The following PBX1 variants were observed in gnomAD, a reference collection of about 807,000 sequenced individuals.
PBX1 encodes the protein PBX homeobox 1.
PBX1 carries 6 observed loss-of-function variants against 53.4 expected under a neutral mutation model. The observed-to-expected ratio is 0.11, with a 90% CI of 0.06 to 0.22. The LOEUF is 0.22. Among genes scored for constraint, PBX1 ranks in the 10% least tolerant of loss-of-function variants. The probability of loss-of-function intolerance (pLI) is 1.00; values close to 1 mark genes in which losing one functional copy is unlikely to be tolerated. For missense variants in PBX1, 251 were observed against 551.4 expected (o/e 0.46, Z 5.46); for synonymous variants, 204 against 212.3 (o/e 0.96, Z 0.34).
intron 2 of PBX1, among the ~76,000 whole-genome samples, chr1:164,656,665 A>C (rs1660184583): frequency 6.6e-6 from 1 of 152,114 alleles, no homozygotes; most frequent in Non-Finnish European, 1.5e-5. Flanking sequence ...GCTATAGAGG[A>C]AAGTGACGGA....
chr1:164,641,717 A>C (rs1044125933), intron 2 of PBX1: 2 of 152,236 alleles, frequency 1.3e-5, no homozygotes, highest in African/African-American at 4.8e-5. Flanking sequence ...TAAGAATTCC[A>C]GATTTTATTC....
chr1:164,778,855 G>A (rs1667796659), intron 2 of PBX1, among the ~76,000 whole-genome samples: 1 of 152,060 alleles, frequency 6.6e-6, no homozygotes, highest in Non-Finnish European at 1.5e-5. Flanking sequence ...GCCTTTGCTT[G>A]CTATCAACCT....
chr1:164,775,344 T>C (rs1259337531), intron 2 of PBX1, among the ~76,000 whole-genome samples: 1 of 152,200 alleles, frequency 6.6e-6, no homozygotes, highest in East Asian at 1.9e-4. Flanking sequence ...TTTTTGTCTT[T>C]AGGGCTACGT....
At chr1:164,785,721 G>A (rs1668141411) in intron 2 of PBX1, among the ~76,000 whole-genome samples, 1 of 152,208 alleles carries the variant, frequency 6.6e-6, no homozygotes, top group African/African-American at 2.4e-5. Flanking sequence ...AGGTACTTGA[G>A]CAGTAATTTG....
intron 2 of PBX1, among the ~76,000 whole-genome samples, chr1:164,862,885 T>C (rs908369225): frequency 7.2e-5 from 11 of 152,216 alleles, no homozygotes; most frequent in African/African-American, 2.7e-4. Flanking sequence ...TATTTATTTT[T>C]TTCTGTAGTG....
At chr1:164,820,984 A>G (rs1290177609) in intron 7 of PBX1, among the ~76,000 whole-genome samples, 1 of 152,208 alleles carries the variant, frequency 6.6e-6, no homozygotes, top group Non-Finnish European at 1.5e-5. Context: ...TTTCTTGAGA[A>G]ACATTGCCTG....
intron 2 of PBX1, among the ~76,000 whole-genome samples, chr1:164,698,893 G>A (rs1386583629): frequency 1.3e-5 from 2 of 152,144 alleles, no homozygotes; most frequent in African/African-American, 4.8e-5. Context: ...TACATGTGAG[G>A]ACAGAGCACA....
At chr1:164,675,675 G>T (rs1483874757) in intron 2 of PBX1, among the ~76,000 whole-genome samples, 1 of 152,044 alleles carries the variant, frequency 6.6e-6, no homozygotes. Flanking sequence ...CTTTTACCAG[G>T]TATTACTCAT....
In PBX1 at chr1:164,871,398, G is replaced by A. The variant is rs550549654; in HGVS notation, n.258-27790G>A. Among the ~76,000 whole-genome samples, 4 of 152,326 alleles carry A rather than the reference G, an allele frequency of 2.6e-5. No homozygotes were observed. The South Asian group carries it at 6.2e-4, about 24-fold the overall frequency. ...TCCAACTTATTGGCCCAATAAAGCA[G>A]GCATTACATGGTGGGAAAATAAATG... On this transcript the variant is annotated intron_variant and non_coding_transcript_variant, in intron 2 of 2. Coordinates refer to the PBX1 transcript ENST00000558796.
intron 2 of PBX1, among the ~76,000 whole-genome samples, chr1:164,785,612 C>T (rs980825921): frequency 2.0e-5 from 3 of 152,164 alleles, no homozygotes; most frequent in African/African-American, 7.2e-5. Context: ...GTCCTGTGTC[C>T]GAGGGACTGG....
chr1:164,645,537 G>A (rs1206819142), intron 2 of PBX1, among the ~76,000 whole-genome samples: 1 of 151,142 alleles, frequency 6.6e-6, no homozygotes, highest in Admixed American at 6.6e-5. Flanking sequence ...GGGGGCTTAG[G>A]GCTAAAGAGT....
chr1:164,835,624 T>G (rs1235102387), intron 8 of PBX1, among the ~76,000 whole-genome samples: 1 of 152,218 alleles, frequency 6.6e-6, no homozygotes, highest in Non-Finnish European at 1.5e-5. Context: ...AATGTTCATC[T>G]CTTTTCTTAT....
rs111755429 is a variant in PBX1, at chr1:164,690,425, G to A, written c.266-102069G>A. On this transcript the variant is annotated intron_variant, in intron 2 of 8. Coordinates refer to ENST00000420696, the MANE Select transcript of PBX1 (RefSeq NM_002585.4). Reference sequence around the variant, plus strand: ...GGAAAGGTCTCTCTAGAGTTGTGAAGCAACGGCTGCATGTGATTAGTCAGT... The same window carrying A: ...GGAAAGGTCTCTCTAGAGTTGTGAAACAACGGCTGCATGTGATTAGTCAGT... Among the ~76,000 whole-genome samples the A allele has an allele frequency of 1.4e-3, 217 of 152,280 alleles. 1 individual carries two copies. The highest frequency in any genetic ancestry group is 5.0e-3 in the African/African-American group (207 of 41,558).
intron 2 of PBX1, 91 bp downstream of exon 2, chr1:164,563,402 T>A: frequency 1.3e-6 from 1 of 789,810 alleles, no homozygotes; most frequent in Non-Finnish European, 2.1e-6. Context: ...AATATTAAAA[T>A]TTCAGAATAC....
intron 2 of PBX1, among the ~76,000 whole-genome samples, chr1:164,763,245 C>T (rs1395639227): frequency 6.6e-6 from 1 of 152,180 alleles, no homozygotes; most frequent in Non-Finnish European, 1.5e-5. Flanking sequence ...ACTTAGGCTC[C>T]TTCCTGAGTT....
At chr1:164,572,197 G>GCGCCCAGCCTGAGCTACCA (rs1191936758) in intron 2 of PBX1, among the ~76,000 whole-genome samples, 1 of 151,794 alleles carries the variant, frequency 6.6e-6, no homozygotes, top group Non-Finnish European at 1.5e-5. Flanking sequence ...GTGAGGCACC[G>GCGCCCAGCCTGAGCTACCA]CGCCCAGCCT....
At chr1:164,770,016 T>C (rs1208196348) in intron 2 of PBX1, 1 of 152,220 alleles carries the variant, frequency 6.6e-6, no homozygotes, top group African/African-American at 2.4e-5. Flanking sequence ...GCGTAAGCTG[T>C]AACTTTGAAC....
In PBX1 at chr1:164,796,390, T is replaced by TAA. The variant is rs5778408; in HGVS notation, c.511-3301_511-3300dup. 4.2e-3 allele frequency among the ~76,000 whole-genome samples: 631 copies of TAA among 151,748 alleles called. 4 individuals are homozygous for TAA. Among genetic ancestry groups the TAA allele is most frequent in the Middle Eastern group, 0.01 (3 of 292 alleles). ...CTGAATTTTATTCCAAGCTCTACTT[T>TAA]AAAAAAAAATTATCTTGTGGCTTTG... On this transcript the variant is annotated intron_variant, in intron 3 of 8. Coordinates refer to ENST00000420696, the MANE Select transcript of PBX1 (RefSeq NM_002585.4).
chr1:164,724,840 C>T (rs1664613484), intron 2 of PBX1, among the ~76,000 whole-genome samples: 1 of 152,064 alleles, frequency 6.6e-6, no homozygotes, highest in Non-Finnish European at 1.5e-5. Context: ...ATGCAGCATT[C>T]ATCTTTGTTG....
Sources: allele counts gnomAD v4.1 joint callset (sites outside exome capture counted in the v4.1 genomes callset), GRCh38; gene constraint gnomAD v4.1.1; transcripts MANE v1.5; gene names NCBI Gene and HGNC (gene_info 2026-07-23, HGNC 2026-07-21).